The following GRM7 variants were observed in gnomAD, a reference collection of about 807,000 sequenced individuals.
GRM7 encodes glutamate metabotropic receptor 7.
In GRM7, 35 loss-of-function variants were observed where a neutral mutation model predicts 84.5. The observed-to-expected ratio is 0.41, with a 90% CI of 0.32 to 0.55. The LOEUF (loss-of-function observed/expected upper bound fraction) is 0.55, where lower values mean the gene tolerates loss of function less well. Among genes scored for constraint, GRM7 ranks in the 20% least tolerant of loss-of-function variants. The pLI, the probability that GRM7 is intolerant of heterozygous loss-of-function variation, is 0.19. For synonymous variants in GRM7, 487 were observed against 455.1 expected, an observed-to-expected ratio of 1.07 and a Z score of -0.89; for missense variants, 1,003 against 1,194.6, an observed-to-expected ratio of 0.84 and a Z score of 2.36.
chr3:7,624,304 A>G (rs765810500), intron 8 of GRM7, among the ~76,000 whole-genome samples: 64 of 152,138 alleles, frequency 4.2e-4, no homozygotes, highest in Non-Finnish European at 8.7e-4. Flanking sequence ...ATGCTATCTT[A>G]GCATGAGGGA....
At chr3:7,523,503 G>T (rs1223956084) in intron 7 of GRM7, among the ~76,000 whole-genome samples, 1 of 152,118 alleles carries the variant, frequency 6.6e-6, no homozygotes, top group Non-Finnish European at 1.5e-5. Context: ...GTACACTCCT[G>T]CTGTATTCCA....
chr3:7,396,512 G>GAA, intron 4 of GRM7, among the ~76,000 whole-genome samples: 1 of 152,038 alleles, frequency 6.6e-6, no homozygotes, highest in Non-Finnish European at 1.5e-5. Context: ...GAAACATTCT[G>GAA]ATTTGCCCAT....
rs189248816 is a variant in GRM7 at position 7,360,497 on chromosome 3, A to G, written c.1033+53845A>G. ...ATGTAAATTATCCCCAAGGTTCTAT[A>G]AAACGGTATTTTTTGGTTGTAGATG... On this transcript the variant is annotated intron_variant, in intron 4 of 9. Coordinates refer to ENST00000357716, the MANE Select transcript of GRM7 (RefSeq NM_000844.4). Among the ~76,000 whole-genome samples, 100 of 152,248 alleles carry G rather than the reference A, an allele frequency of 6.6e-4. 1 individual carries two copies. The highest frequency in any genetic ancestry group is 5.9e-5 in the Non-Finnish European group (4 of 68,002).
intron 9 of GRM7, among the ~76,000 whole-genome samples, chr3:7,698,795 G>T (rs1701114989): frequency 6.6e-6 from 1 of 152,150 alleles, no homozygotes; most frequent in South Asian, 2.1e-4. Context: ...TCTCAGTTAA[G>T]TACCCCCGGG....
At chr3:7,722,567 C>T (rs954830584) in intron 9 of GRM7, among the ~76,000 whole-genome samples, 4 of 151,636 alleles carry the variant, frequency 2.6e-5, no homozygotes, top group East Asian at 1.9e-4. Flanking sequence ...CTTAGACTCC[C>T]GAGTAGCTGG....
chr3:7,007,343 A>C (rs1291303452), intron 1 of GRM7, among the ~76,000 whole-genome samples: 1 of 152,198 alleles, frequency 6.6e-6, no homozygotes, highest in African/African-American at 2.4e-5. Flanking sequence ...AGCATCAATA[A>C]GAATGTGTGT....
intron 8 of GRM7, among the ~76,000 whole-genome samples, chr3:7,628,682 A>G (rs1359543054): frequency 6.6e-6 from 1 of 152,198 alleles, no homozygotes; most frequent in African/African-American, 2.4e-5. Flanking sequence ...ATGAGGAGGC[A>G]TTTGAGAGTC....
intron 7 of GRM7, among the ~76,000 whole-genome samples, chr3:7,469,676 T>C (rs1034769369): frequency 1.1e-4 from 16 of 152,180 alleles, no homozygotes; most frequent in African/African-American, 3.1e-4. Context: ...TGATCATATC[T>C]GTGAACCAGG....
At chr3:7,660,906 T>G (rs543342834) in intron 8 of GRM7, among the ~76,000 whole-genome samples, 3 of 152,164 alleles carry the variant, frequency 2.0e-5, no homozygotes, top group African/African-American at 7.2e-5. Context: ...TCTAGAGTAA[T>G]AGTAATATCC....
chr3:7,586,384 G>GT (rs35854066), intron 8 of GRM7, among the ~76,000 whole-genome samples: 2,938 of 146,752 alleles, frequency 0.02, 55 homozygotes, highest in East Asian at 0.056. Context: ...TACATGAGGG[G>GT]TTTTTTTTTT....
intron 7 of GRM7, among the ~76,000 whole-genome samples, chr3:7,558,984 C>A (rs143566377): frequency 5.4e-3 from 820 of 152,130 alleles, no homozygotes; most frequent in Non-Finnish European, 6.8e-3. Context: ...TGTCAATTAA[C>A]CCTAATAGAA....
At chr3:7,233,400 C>T (rs1697254824) in intron 2 of GRM7, among the ~76,000 whole-genome samples, 1 of 152,002 alleles carries the variant, frequency 6.6e-6, no homozygotes, top group African/African-American at 2.4e-5. Context: ...GGGAAATAAC[C>T]ACCACTATAG....
intron 8 of GRM7, among the ~76,000 whole-genome samples, chr3:7,583,436 A>T (rs1340102251): frequency 6.6e-6 from 1 of 152,198 alleles, no homozygotes; most frequent in Non-Finnish European, 1.5e-5. Flanking sequence ...ATCAATTATG[A>T]CACACTTCCT....
intron 2 of GRM7, among the ~76,000 whole-genome samples, chr3:7,208,835 G>A (rs569079478): frequency 1.3e-5 from 2 of 152,290 alleles, no homozygotes; most frequent in East Asian, 1.9e-4. Flanking sequence ...ATCCTGGATA[G>A]AATTTTCCCA....
At chr3:7,072,521 A>C (rs1033719880) in intron 1 of GRM7, among the ~76,000 whole-genome samples, 1 of 151,928 alleles carries the variant, frequency 6.6e-6, no homozygotes, top group African/African-American at 2.4e-5. Flanking sequence ...GTCTCTACAA[A>C]AAGATAGATA....
At chr3:7,572,082 G>A (rs1277707939) in intron 7 of GRM7, among the ~76,000 whole-genome samples, 3 of 152,118 alleles carry the variant, frequency 2.0e-5, no homozygotes, top group Non-Finnish European at 2.9e-5. Context: ...GGGAATTGTG[G>A]GAGTTACAAT....
intron 7 of GRM7, among the ~76,000 whole-genome samples, chr3:7,465,797 G>T (rs1204282645): frequency 6.6e-6 from 1 of 152,150 alleles, no homozygotes; most frequent in Admixed American, 6.5e-5. Context: ...TCTGAGCCAA[G>T]AAATCAGAGT....
At chr3:6,894,008 T>A (rs1490132945) in intron 1 of GRM7, 1 of 152,156 alleles carries the variant, frequency 6.6e-6, no homozygotes, top group Non-Finnish European at 1.5e-5. Context: ...AATGTCAGTC[T>A]TGAGTGCAAA....
intron 1 of GRM7, among the ~76,000 whole-genome samples, chr3:6,918,107 G>A (rs1697004719): frequency 6.6e-6 from 1 of 152,096 alleles, no homozygotes; most frequent in Non-Finnish European, 1.5e-5. Context: ...CTTTCTAAAT[G>A]CATCTCTGTG....
Sources: gnomAD v4.1 joint callset for allele counts (sites outside exome capture counted in the v4.1 genomes callset) on GRCh38, gnomAD v4.1.1 for gene constraint, MANE v1.5 for transcripts, NCBI Gene and HGNC (gene_info 2026-07-23, HGNC 2026-07-21) for gene names.